ARHGAP10: variants seen among roughly 807,000 people sequenced by gnomAD.
ARHGAP10 encodes rho GTPase-activating protein 10.
ARHGAP10 carries 87 observed loss-of-function variants against 108.6 expected under a neutral mutation model. The observed-to-expected ratio is 0.80, with a 90% CI of 0.67 to 0.96. The LOEUF (loss-of-function observed/expected upper bound fraction) is 0.96, where lower values mean the gene tolerates loss of function less well. Among genes scored for constraint, ARHGAP10 ranks in the 40% least tolerant of loss-of-function variants. The probability of loss-of-function intolerance (pLI) is 0.00; values close to 1 mark genes in which losing one functional copy is unlikely to be tolerated. For synonymous variants in ARHGAP10, 347 were observed against 341.1 expected, an observed-to-expected ratio of 1.02 and a Z score of -0.19; for missense variants, 939 against 954.5, an observed-to-expected ratio of 0.98 and a Z score of 0.21.
chr4:147,834,772 C>G (rs967913044), intron 3 of ARHGAP10, among the ~76,000 whole-genome samples: 3 of 146,708 alleles, frequency 2.0e-5, no homozygotes, highest in Admixed American at 6.8e-5. Flanking sequence ...CCATACACAC[C>G]CACCCATCCG....
chr4:147,753,494 C>G (rs537880186), intron 1 of ARHGAP10, among the ~76,000 whole-genome samples: 1 of 151,324 alleles, frequency 6.6e-6, no homozygotes, highest in South Asian at 2.1e-4. Context: ...TAGGTGTGCA[C>G]CACCGTACCT....
chr4:147,861,440 C>T (rs2126838993), intron 5 of ARHGAP10: 1 of 152,732 alleles, frequency 6.5e-6, no homozygotes, highest in Middle Eastern at 3.4e-3. Context: ...CTTCTCGTCG[C>T]CCACAATGTA....
intron 4 of ARHGAP10, among the ~76,000 whole-genome samples, chr4:147,856,384 T>A (rs1734082247): frequency 6.6e-6 from 1 of 152,100 alleles, no homozygotes; most frequent in Non-Finnish European, 1.5e-5. Context: ...ACTGGAAAGG[T>A]TTGGGAAAGT....
intron 4 of ARHGAP10, among the ~76,000 whole-genome samples, chr4:147,857,192 G>A (rs1468515845): frequency 6.6e-6 from 1 of 152,196 alleles, no homozygotes; most frequent in Non-Finnish European, 1.5e-5. Context: ...AAAATCTGGA[G>A]CAAGTTTGCT....
chr4:148,003,402 T>G (rs1474530058), intron 18 of ARHGAP10, among the ~76,000 whole-genome samples: 4 of 152,144 alleles, frequency 2.6e-5, no homozygotes, highest in African/African-American at 9.7e-5. Flanking sequence ...TCGATTTGGG[T>G]TGGAGAGTTC....
At chr4:148,071,379 G>T (rs1332498660) in intron 22 of ARHGAP10, among the ~76,000 whole-genome samples, 1 of 152,248 alleles carries the variant, frequency 6.6e-6, no homozygotes, top group Non-Finnish European at 1.5e-5. Context: ...ACTCTGGGGG[G>T]CCAAGGCGAG....
intron 3 of ARHGAP10, among the ~76,000 whole-genome samples, chr4:147,825,839 C>T (rs1256025730): frequency 6.6e-6 from 1 of 152,120 alleles, no homozygotes; most frequent in Non-Finnish European, 1.5e-5. Context: ...GAGCGCATAC[C>T]TATTGATCTC....
intron 1 of ARHGAP10, among the ~76,000 whole-genome samples, chr4:147,738,376 C>T (rs1020898312): frequency 6.6e-6 from 1 of 152,000 alleles, no homozygotes; most frequent in East Asian, 1.9e-4. Context: ...ACGGTGAAAC[C>T]CCATCTCTAC....
At chr4:148,028,040 T>C (rs984484471) in intron 19 of ARHGAP10, among the ~76,000 whole-genome samples, 1 of 152,164 alleles carries the variant, frequency 6.6e-6, no homozygotes, top group African/African-American at 2.4e-5. Context: ...TAATTTTCTG[T>C]TCCCATTCTG....
chr4:147,913,291 A>G (rs1396841982), intron 13 of ARHGAP10, 152 bp downstream of exon 13: 1 of 698,408 alleles, frequency 1.4e-6, no homozygotes. Flanking sequence ...TTATTCATTT[A>G]CTATGACAAT....
rs1254620715 is a variant in ARHGAP10, at chr4:148,043,764, GTGTATATATATGTATATATATA to G, written c.1868-3116_1868-3095del. Among the ~76,000 whole-genome samples, 36 of 140,416 alleles carry G rather than the reference GTGTATATATATGTATATATATA, an allele frequency of 2.6e-4. 1 individual carries two copies. Among genetic ancestry groups the G allele is most frequent in the Admixed American group, 2.1e-3 (30 of 14,228 alleles). 92.1% of individuals were successfully genotyped at this position (140,416 alleles called of 152,430 possible). The stretch of plus-strand genomic sequence containing the variant: ...TATATATGTATATATGTATATATAT[GTGTATATATATGTATATATATA>G]TGTATATATATATGCATTCATTCCA... On this transcript the variant is annotated intron_variant, in intron 19 of 22. Coordinates refer to ENST00000336498, the MANE Select transcript of ARHGAP10 (RefSeq NM_024605.4).
chr4:147,937,753 G>A (rs904029380), intron 13 of ARHGAP10, among the ~76,000 whole-genome samples: 7 of 152,308 alleles, frequency 4.6e-5, no homozygotes, highest in African/African-American at 1.7e-4. Flanking sequence ...GCGGAGGCAG[G>A]CGGATCACCT....
At chr4:147,802,492 G>A (rs1731621685) in intron 1 of ARHGAP10, among the ~76,000 whole-genome samples, 1 of 152,242 alleles carries the variant, frequency 6.6e-6, no homozygotes, top group Non-Finnish European at 1.5e-5. Flanking sequence ...CTCAAAGACT[G>A]TTAGCATTGG....
chr4:147,837,606 A>T (rs1579100564), intron 3 of ARHGAP10, among the ~76,000 whole-genome samples: 1 of 136,600 alleles, frequency 7.3e-6, no homozygotes, highest in South Asian at 2.5e-4. Context: ...TGGAAATTAG[A>T]CTAGTTGCTG....
chr4:147,938,444 G>A (rs1738038283), intron 13 of ARHGAP10, among the ~76,000 whole-genome samples: 1 of 152,172 alleles, frequency 6.6e-6, no homozygotes, highest in African/African-American at 2.4e-5. Flanking sequence ...TGACAAGGAA[G>A]AATGAATGCT....
intron 1 of ARHGAP10, among the ~76,000 whole-genome samples, chr4:147,737,361 C>T (rs1319510485): frequency 6.8e-6 from 1 of 146,660 alleles, no homozygotes; most frequent in Non-Finnish European, 1.5e-5. Flanking sequence ...CAGGGTTTCA[C>T]TGTGGTTGGT....
intron 6 of ARHGAP10, chr4:147,865,292 G>T: frequency 5.2e-6 from 1 of 190,976 alleles, no homozygotes; most frequent in Non-Finnish European, 1.1e-5. Flanking sequence ...AGTGAACATG[G>T]GTTGTTTATA....
intron 1 of ARHGAP10, among the ~76,000 whole-genome samples, chr4:147,798,724 ACTCTCTCTCT>A (rs1178256407): frequency 5.2e-4 from 45 of 85,960 alleles, no homozygotes; most frequent in African/African-American, 1.6e-3. Flanking sequence ...AGTTTGAGAC[ACTCTCTCTCT>A]CTCTCTCTCT....
intron 1 of ARHGAP10, among the ~76,000 whole-genome samples, chr4:147,732,853 C>T (rs568317586): frequency 3.2e-4 from 49 of 152,194 alleles, no homozygotes; most frequent in Non-Finnish European, 6.0e-4. Flanking sequence ...CATCTGTTTG[C>T]CTAGTTTTGT....
Sources: allele counts gnomAD v4.1 joint callset (sites outside exome capture counted in the v4.1 genomes callset), GRCh38; gene constraint gnomAD v4.1.1; transcripts MANE v1.5; gene names NCBI Gene and HGNC (gene_info 2026-07-23, HGNC 2026-07-21).